LHPP: variants seen among roughly 807,000 people sequenced by gnomAD.
LHPP encodes the protein hLHPP.
Under a neutral mutation model 30.3 loss-of-function variants are expected in LHPP, and 24 were observed. That is an observed-to-expected ratio of 0.79 (90% CI 0.57 to 1.11). LHPP has a LOEUF of 1.11. Ranked by LOEUF, LHPP falls within the 50% of genes most tolerant of loss-of-function variation. The pLI is 0.00. For missense variants in LHPP, 356 were observed against 367.2 expected (o/e 0.97, Z 0.25); for synonymous variants, 150 against 157.1 (o/e 0.95, Z 0.34).
chr10:124,571,942 G>A (rs72837376), intron 6 of LHPP, among the ~76,000 whole-genome samples: 30,038 of 152,194 alleles, frequency 0.2, 3,218 homozygotes, highest in East Asian at 0.34. Context: ...CAAGACCTAG[G>A]GGGGTGAGTG....
intron 6 of LHPP, among the ~76,000 whole-genome samples, chr10:124,522,948 T>C (rs1252794119): frequency 2.0e-5 from 3 of 152,078 alleles, no homozygotes; most frequent in African/African-American, 7.2e-5. Context: ...GCCTCTTATA[T>C]CCCCACCAAC....
At chr10:124,558,798 A>G (rs1277981244) in intron 6 of LHPP, among the ~76,000 whole-genome samples, 1 of 152,232 alleles carries the variant, frequency 6.6e-6, no homozygotes, top group African/African-American at 2.4e-5. Context: ...AGCAAACAAA[A>G]CTAGGAGCCA....
intron 6 of LHPP, among the ~76,000 whole-genome samples, chr10:124,562,944 A>G (rs1948419079): frequency 6.7e-6 from 1 of 148,656 alleles, no homozygotes. Flanking sequence ...TAAAAAAAAA[A>G]AGAAAAAAAA....
intron 6 of LHPP, among the ~76,000 whole-genome samples, chr10:124,580,859 C>T (rs1030282920): frequency 6.6e-6 from 1 of 152,166 alleles, no homozygotes; most frequent in East Asian, 1.9e-4. Flanking sequence ...GCTGGGATTA[C>T]AGGCACCCGC....
At chr10:124,533,862 G>T (rs1230664759) in intron 6 of LHPP, among the ~76,000 whole-genome samples, 1 of 151,674 alleles carries the variant, frequency 6.6e-6, no homozygotes, top group African/African-American at 2.4e-5. Context: ...AGTGACTCAG[G>T]GGTGCGCGAG....
At chr10:124,470,187 C>T (rs1952685461) in intron 1 of LHPP, among the ~76,000 whole-genome samples, 2 of 152,098 alleles carry the variant, frequency 1.3e-5, no homozygotes, top group Admixed American at 6.5e-5. Context: ...GTGCAGAGGC[C>T]GGCCTCGGGG....
Position 124,541,085 on chromosome 10 carries a change from T to TGGCCCTG in LHPP, c.716+23824_716+23830dup, listed in dbSNP as rs1955173361. Among the ~76,000 whole-genome samples the TGGCCCTG allele has an allele frequency of 6.6e-6, 1 of 152,176 alleles. No homozygotes were observed. The highest frequency in any genetic ancestry group is 2.1e-4 in the South Asian group (1 of 4,830). On this transcript the variant is annotated intron_variant, in intron 6 of 6. Coordinates refer to ENST00000368842, the MANE Select transcript of LHPP (RefSeq NM_022126.4). The surrounding 1 kb of genome is among the most constrained non-coding windows in gnomAD (Gnocchi z 4.2). ...GGAAGGGGCCCCCCAAATCACAAAG[T>TGGCCCTG]GGCCCTGGGCCCTGGGATGGCCGGA... is the stretch of plus-strand genomic sequence containing the variant.
chr10:124,526,244 G>T (rs1297177805), intron 6 of LHPP: 4 of 985,228 alleles, frequency 4.1e-6, no homozygotes. Context: ...TTCCCCAGGA[G>T]CTGGAAGGGG....
chr10:124,508,485 C>T (rs998962907), intron 5 of LHPP, among the ~76,000 whole-genome samples: 2 of 152,170 alleles, frequency 1.3e-5, no homozygotes, highest in Admixed American at 1.3e-4. Context: ...ACGGGAGTTG[C>T]AGGAGCTTCC....
intron 6 of LHPP, among the ~76,000 whole-genome samples, chr10:124,525,145 C>T (rs1954701041): frequency 6.6e-6 from 1 of 152,164 alleles, no homozygotes; most frequent in Non-Finnish European, 1.5e-5. Context: ...GACCTTTATC[C>T]AAGTGGAATC....
chr10:124,585,637 A>G (rs1420261779), intron 6 of LHPP, among the ~76,000 whole-genome samples: 1 of 152,000 alleles, frequency 6.6e-6, no homozygotes, highest in Non-Finnish European at 1.5e-5. Context: ...AGAAAAAGAA[A>G]AAAAAGAAAA....
At chr10:124,531,705 A>G (rs1027320245) in intron 6 of LHPP, among the ~76,000 whole-genome samples, 5 of 152,220 alleles carry the variant, frequency 3.3e-5, no homozygotes, top group Non-Finnish European at 7.3e-5. Flanking sequence ...ATAGGCATGT[A>G]ATGTTGGTTT....
At chr10:124,610,593 C>A (rs1397375603) in intron 6 of LHPP, among the ~76,000 whole-genome samples, 1 of 6,158 alleles carries the variant, frequency 1.6e-4, no homozygotes, top group Non-Finnish European at 3.0e-4. Flanking sequence ...GGTGCGGGTG[C>A]AGGTGAGGGT....
chr10:124,520,946 GT>G (rs1165859917), intron 6 of LHPP, among the ~76,000 whole-genome samples: 1 of 152,208 alleles, frequency 6.6e-6, no homozygotes, highest in East Asian at 1.9e-4. Context: ...CTGATATTTC[GT>G]GTTAATTTCA....
intron 6 of LHPP, among the ~76,000 whole-genome samples, chr10:124,603,246 G>C (rs1949049394): frequency 6.6e-6 from 1 of 152,186 alleles, no homozygotes; most frequent in Non-Finnish European, 1.5e-5. Context: ...GGGCTGGGCA[G>C]GCCCAGCCCG....
intron 6 of LHPP, among the ~76,000 whole-genome samples, chr10:124,572,804 AT>A (rs1250653684): frequency 6.6e-6 from 1 of 152,208 alleles, no homozygotes; most frequent in African/African-American, 2.4e-5. Flanking sequence ...CATGGGCGTC[AT>A]TTCATCACTG....
At chr10:124,583,247 G>A (rs1948763861) in intron 6 of LHPP, among the ~76,000 whole-genome samples, 1 of 152,168 alleles carries the variant, frequency 6.6e-6, no homozygotes, top group Admixed American at 6.5e-5. Flanking sequence ...ATTTACCCCT[G>A]TGTTTTCTCC....
In LHPP at chr10:124,518,983, G is replaced by A. The variant is rs561985257; in HGVS notation, c.716+1712G>A. Among the ~76,000 whole-genome samples, 11 of 152,148 alleles carry A rather than the reference G, an allele frequency of 7.2e-5. No individual in the cohort carries two copies. The East Asian group carries it at 1.5e-3, about 21-fold the overall frequency. On this transcript the variant is annotated intron_variant, in intron 6 of 6. Transcript: ENST00000368842. Reference sequence around the variant, plus strand: ...TTTTGAGACAGAGTCTCCCTCTGTCGCCCAGGCTGGAGTACAGAGGTGCGA... The same window carrying A: ...TTTTGAGACAGAGTCTCCCTCTGTCACCCAGGCTGGAGTACAGAGGTGCGA...
intron 6 of LHPP, among the ~76,000 whole-genome samples, chr10:124,544,208 C>G (rs912862683): frequency 6.9e-6 from 1 of 144,588 alleles, no homozygotes; most frequent in Non-Finnish European, 1.5e-5. Flanking sequence ...CATCACCCAC[C>G]GGGGAGGCCT....
Sources: gnomAD v4.1 joint callset for allele counts (sites outside exome capture counted in the v4.1 genomes callset) on GRCh38, gnomAD v4.1.1 for gene constraint, Gnocchi (gnomAD v3.1) non-coding constraint, MANE v1.5 for transcripts, NCBI Gene and HGNC (gene_info 2026-07-23, HGNC 2026-07-21) for gene names.